The following CLNK variants were observed in gnomAD, a reference collection of about 807,000 sequenced individuals.
CLNK encodes cytokine dependent hematopoietic cell linker, also known as cytokine-dependent hematopoietic cell linker.
Under a neutral mutation model 68.6 loss-of-function variants are expected in CLNK, and 74 were observed. The ratio of observed to expected loss-of-function variants is 1.08; its 90% confidence interval spans 0.89 to 1.31. The LOEUF (loss-of-function observed/expected upper bound fraction) is 1.31, where lower values mean the gene tolerates loss of function less well. CLNK is among the 50% of genes most tolerant of loss of function. The pLI, the probability that CLNK is intolerant of heterozygous loss-of-function variation, is 0.00. For missense variants in CLNK, 553 were observed against 515.3 expected (o/e 1.07, Z -0.71); for synonymous variants, 198 against 172.2 (o/e 1.15, Z -1.17).
intron 16 of CLNK, 83 bp downstream of exon 16, chr4:10,513,381 T>G: frequency 7.8e-7 from 1 of 1,285,188 alleles, no homozygotes; most frequent in South Asian, 1.5e-5. Context: ...ACATAAATAA[T>G]CTCCTTTTGG....
At chr4:10,616,352 T>C (rs1490789444) in intron 2 of CLNK, among the ~76,000 whole-genome samples, 2 of 152,216 alleles carry the variant, frequency 1.3e-5, no homozygotes, top group African/African-American at 4.8e-5. Context: ...GGAGGAAATG[T>C]TAATAAAGCA....
chr4:10,633,700 AC>A (rs1722975078), intron 2 of CLNK, among the ~76,000 whole-genome samples: 2 of 152,226 alleles, frequency 1.3e-5, no homozygotes, highest in South Asian at 4.1e-4. Context: ...TCCAAACAGT[AC>A]AAATGTAATT....
At chr4:10,624,593 GTTTTTTTTTT>G (rs10559473) in intron 2 of CLNK, among the ~76,000 whole-genome samples, 21 of 122,864 alleles carry the variant, frequency 1.7e-4, no homozygotes, top group Admixed American at 1.5e-3. Context: ...CGCCCGGCCA[GTTTTTTTTTT>G]TTTTTTTTTT....
intron 1 of CLNK, among the ~76,000 whole-genome samples, chr4:10,670,148 C>G (rs1169569993): frequency 1.3e-5 from 2 of 152,178 alleles, no homozygotes; most frequent in Non-Finnish European, 2.9e-5. Context: ...GTCTTACAAA[C>G]TATGAAATGT....
the CLNK span, among the ~76,000 whole-genome samples, chr4:10,719,371 TTTTAA>T: frequency 6.6e-6 from 1 of 152,076 alleles, no homozygotes. Flanking sequence ...AATCTTTTAA[TTTTAA>T]TTAATTTACA....
chr4:10,658,033 G>T (rs1035207620), intron 2 of CLNK, among the ~76,000 whole-genome samples: 1 of 152,126 alleles, frequency 6.6e-6, no homozygotes, highest in Non-Finnish European at 1.5e-5. Context: ...TTTGCTGCTT[G>T]GTAACATCCC....
intron 2 of CLNK, among the ~76,000 whole-genome samples, chr4:10,609,197 T>A (rs1721910414): frequency 2.6e-5 from 4 of 152,344 alleles, no homozygotes; most frequent in African/African-American, 9.6e-5. Flanking sequence ...CTTTTCCCCA[T>A]ACTCCTACCT....
the CLNK span, among the ~76,000 whole-genome samples, chr4:10,693,345 T>TA: frequency 5.6e-4 from 86 of 152,222 alleles, no homozygotes; most frequent in Non-Finnish European, 9.7e-4. Context: ...ATCACTGGGG[T>TA]AGTCCTTAGC....
At chr4:10,559,663 C>A (rs1362822374) in intron 7 of CLNK, among the ~76,000 whole-genome samples, 1 of 152,116 alleles carries the variant, frequency 6.6e-6, no homozygotes, top group Non-Finnish European at 1.5e-5. Flanking sequence ...TAGGATGGGG[C>A]TCCAAGTAGT....
Position 10,558,461 on chromosome 4 carries a change from G to T in CLNK, c.400-9C>A. On this transcript the variant is annotated splice_polypyrimidine_tract_variant and intron_variant, in intron 7 of 18. Coordinates refer to ENST00000226951, the MANE Select transcript of CLNK (RefSeq NM_052964.4). ...GAAATGGGTTTGTCCACCTGTACAA[G>T]ACAATGAGGCACCATTATCTCTTCA... 6.2e-7 allele frequency: 1 copy of T among 1,613,002 alleles called. No individual in the cohort carries two copies. The highest frequency in any genetic ancestry group is 1.6e-4 in the Middle Eastern group (1 of 6,062).
intron 2 of CLNK, among the ~76,000 whole-genome samples, chr4:10,642,951 T>A (rs1577191718): frequency 1.3e-5 from 2 of 152,234 alleles, no homozygotes; most frequent in Non-Finnish European, 2.9e-5. Flanking sequence ...TAAATCTGTA[T>A]TGATGGATGA....
chr4:10,581,245 T>C (rs1328644784), intron 4 of CLNK, among the ~76,000 whole-genome samples: 1 of 152,158 alleles, frequency 6.6e-6, no homozygotes, highest in African/African-American at 2.4e-5. Flanking sequence ...CACACAATGT[T>C]GAAATCACCT....
At chr4:10,558,130 T>C (rs1719745717) in intron 8 of CLNK, among the ~76,000 whole-genome samples, 1 of 152,246 alleles carries the variant, frequency 6.6e-6, no homozygotes, top group African/African-American at 2.4e-5. Flanking sequence ...ATATATTTAA[T>C]GCAATCCATA....
rs1003303921 is a variant in CLNK at position 10,564,366 on chromosome 4, A to G, written c.399+305T>C. On this transcript the variant is annotated intron_variant, in intron 7 of 18. Transcript: ENST00000226951. ...ATTATGATCAGAAAGATTTGAGTTC[A>G]TGTTCTTTCTCTGGAGAATGCGATG... Among the ~76,000 whole-genome samples the G allele has an allele frequency of 2.8e-4, 42 of 152,332 alleles. No homozygotes were observed. In the Middle Eastern group the frequency reaches 0.014, roughly 49 times the overall value.
At chr4:10,724,424 T>C in the CLNK span, among the ~76,000 whole-genome samples, 6 of 152,186 alleles carry the variant, frequency 3.9e-5, no homozygotes, top group East Asian at 5.8e-4. Context: ...CCTGTTGTTA[T>C]AGCTTAAGTC....
At chr4:10,689,417 G>A (rs780984721), upstream of CLNK, among the ~76,000 whole-genome samples, 5 of 152,028 alleles carry the variant, frequency 3.3e-5, no homozygotes, top group African/African-American at 9.7e-5. Context: ...TTACAGGCGT[G>A]AGCCACTACA....
At chr4:10,496,822 T>C (rs1479619602) in intron 18 of CLNK, among the ~76,000 whole-genome samples, 1 of 152,222 alleles carries the variant, frequency 6.6e-6, no homozygotes, top group Non-Finnish European at 1.5e-5. Flanking sequence ...TTGGTTTACA[T>C]AGGGCGAACA....
chr4:10,695,068 T>C, the CLNK span, among the ~76,000 whole-genome samples: 2 of 152,166 alleles, frequency 1.3e-5, no homozygotes, highest in Non-Finnish European at 2.9e-5. Flanking sequence ...GAGATATTGA[T>C]CACAGGATAC....
chr4:10,625,380 T>TA (rs1722626789), intron 2 of CLNK, among the ~76,000 whole-genome samples: 1 of 152,232 alleles, frequency 6.6e-6, no homozygotes, highest in Non-Finnish European at 1.5e-5. Context: ...GTGTTTGCTT[T>TA]TCTCACTGCC....
Sources: allele counts gnomAD v4.1 joint callset (sites outside exome capture counted in the v4.1 genomes callset), GRCh38; gene constraint gnomAD v4.1.1; transcripts MANE v1.5; gene names NCBI Gene and HGNC (gene_info 2026-07-23, HGNC 2026-07-21).